The following TP63 variants were observed in gnomAD, a reference collection of about 807,000 sequenced individuals.
The protein encoded by TP63 is tumor protein 63.
Under a neutral mutation model 82.8 loss-of-function variants are expected in TP63, and 17 were observed. That is an observed-to-expected ratio of 0.21 (90% confidence interval 0.14 to 0.31). TP63 has a LOEUF of 0.31. Among genes scored for constraint, TP63 ranks in the 10% least tolerant of loss-of-function variants. The pLI is 1.00. For synonymous variants in TP63, 330 were observed against 321.7 expected (o/e 1.03, Z -0.28); for missense variants, 648 against 895.3 (o/e 0.72, Z 3.52).
At chr3:189,756,880 G>A (rs143018129) in intron 3 of TP63, among the ~76,000 whole-genome samples, 1 of 152,228 alleles carries the variant, frequency 6.6e-6, no homozygotes, top group African/African-American at 2.4e-5. Context: ...GTTGAAGAGG[G>A]CAGATAAACA....
intron 3 of TP63, among the ~76,000 whole-genome samples, chr3:189,755,153 C>G (rs1202466159): frequency 6.6e-6 from 1 of 152,056 alleles, no homozygotes; most frequent in Non-Finnish European, 1.5e-5. Context: ...GTGGTGATAC[C>G]TTTATTGGTG....
intron 4 of TP63, among the ~76,000 whole-genome samples, chr3:189,842,273 C>G (rs1390531752): frequency 6.6e-6 from 1 of 152,066 alleles, no homozygotes. Context: ...CCATAAAGCT[C>G]TCCGATCTGC....
At chr3:189,631,192 A>G (rs959741557), upstream of TP63, 4 of 983,216 alleles carry the variant, frequency 4.1e-6, no homozygotes, top group Admixed American at 2.5e-4. Flanking sequence ...CCAAATTGCC[A>G]ACAACAAGTG....
intron 1 of TP63, among the ~76,000 whole-genome samples, chr3:189,735,229 G>A (rs139094306): frequency 7.9e-4 from 121 of 152,244 alleles, no homozygotes; most frequent in Non-Finnish European, 6.0e-4. Flanking sequence ...GGAGCCCCAC[G>A]TGCCTTTTCT....
At chr3:189,649,511 A>G (rs1560083886) in intron 1 of TP63, among the ~76,000 whole-genome samples, 2 of 146,948 alleles carry the variant, frequency 1.4e-5, no homozygotes, top group Non-Finnish European at 3.0e-5. Flanking sequence ...TCAAAAAATA[A>G]TAATTAATGA....
chr3:189,703,536 G>C (rs1717978153), intron 1 of TP63, among the ~76,000 whole-genome samples: 1 of 152,074 alleles, frequency 6.6e-6, no homozygotes, highest in Non-Finnish European at 1.5e-5. Flanking sequence ...AGAAAAGGCA[G>C]GTGGCTGCCA....
intron 3 of TP63, among the ~76,000 whole-genome samples, chr3:189,800,677 T>C (rs1169935786): frequency 1.3e-5 from 2 of 152,052 alleles, no homozygotes; most frequent in Admixed American, 6.6e-5. Flanking sequence ...GGCGAGTTAC[T>C]TAACCTTGTG....
chr3:189,851,836 G>A (rs1394582464), intron 4 of TP63, among the ~76,000 whole-genome samples: 2 of 152,042 alleles, frequency 1.3e-5, no homozygotes, highest in African/African-American at 2.4e-5. Flanking sequence ...TCCATGGCAG[G>A]TGTTCTCTGG....
intron 1 of TP63, among the ~76,000 whole-genome samples, chr3:189,715,425 A>G (rs976336312): frequency 1.3e-5 from 2 of 152,230 alleles, no homozygotes; most frequent in Non-Finnish European, 2.9e-5. Context: ...AAGATAAGGT[A>G]TAACATCCAG....
chr3:189,822,848 C>T (rs926300104), intron 4 of TP63, among the ~76,000 whole-genome samples: 5 of 152,088 alleles, frequency 3.3e-5, no homozygotes, highest in African/African-American at 7.2e-5. Context: ...ACAATAACCA[C>T]GTAAGAAGGG....
intron 10 of TP63, among the ~76,000 whole-genome samples, chr3:189,883,158 T>C (rs996546820): frequency 6.7e-6 from 1 of 149,856 alleles, no homozygotes; most frequent in East Asian, 2.0e-4. Flanking sequence ...ATATTTCACT[T>C]AAGAACTATT....
chr3:189,808,402 C>A lies in TP63; in HGVS notation c.455C>A (p.Pro152His), dbSNP rs2108637911. 6.2e-7 allele frequency: 1 copy of A among 1,614,204 alleles called. No individual in the cohort carries two copies. The highest frequency in any genetic ancestry group is 8.5e-7 in the Non-Finnish European group (1 of 1,180,048). Residue 152 changes from proline to histidine, a missense_variant, in exon 4 of 14, where the codon CCC (proline) becomes CAC (histidine). Pro to His is a moderately conservative substitution (Grantham distance 77). This residue lies in a region of TP63 where 182 missense variants were observed against 213.6 expected (regional missense o/e 0.85). Transcript: ENST00000264731. ...ACGGCGCCCTCGCCCTACGCACAGC[C>A]CAGCTCCACCTTCGATGCTCTCTCT... ...SVTAPSPYAQ[P>H]SSTFDALSPS...
At chr3:189,785,406 A>G (rs75611662) in intron 3 of TP63, among the ~76,000 whole-genome samples, 61 of 152,188 alleles carry the variant, frequency 4.0e-4, no homozygotes, top group Non-Finnish European at 7.9e-4. Flanking sequence ...AAACTTCACA[A>G]TCTTGTTGAG....
At chr3:189,716,998 A>G (rs180737995) in intron 1 of TP63, among the ~76,000 whole-genome samples, 1 of 152,268 alleles carries the variant, frequency 6.6e-6, no homozygotes, top group East Asian at 1.9e-4. Context: ...GGGTTTCACC[A>G]TGTTGACCAG....
the TP63 span, among the ~76,000 whole-genome samples, chr3:189,600,548 A>G: frequency 6.6e-6 from 1 of 152,204 alleles, no homozygotes; most frequent in African/African-American, 2.4e-5. Context: ...ACTAGTAAGT[A>G]TCAGAGGTGA....
chr3:189,675,356 A>T (rs114040114), intron 1 of TP63, among the ~76,000 whole-genome samples: 2,163 of 152,228 alleles, frequency 0.014, 63 homozygotes, highest in African/African-American at 0.049. Context: ...TTGAATTTTA[A>T]TATTTAATCA....
chr3:189,743,935 A>G (rs1721183570), intron 3 of TP63, among the ~76,000 whole-genome samples: 1 of 152,180 alleles, frequency 6.6e-6, no homozygotes, highest in Non-Finnish European at 1.5e-5. Flanking sequence ...GACTAACATA[A>G]GGAGCTGAAG....
At chr3:189,840,821 C>T (rs1713982399) in intron 4 of TP63, among the ~76,000 whole-genome samples, 1 of 141,158 alleles carries the variant, frequency 7.1e-6, no homozygotes, top group African/African-American at 2.7e-5. Context: ...CATGCCACTG[C>T]ACTCCAGCCT....
the TP63 span, among the ~76,000 whole-genome samples, chr3:189,616,943 G>A: frequency 6.6e-6 from 1 of 152,292 alleles, no homozygotes; most frequent in Admixed American, 6.5e-5. Context: ...CTGTCACTCA[G>A]ATTATGGACC....
Sources: gnomAD v4.1 joint callset for allele counts (sites outside exome capture counted in the v4.1 genomes callset) on GRCh38, gnomAD v4.1.1 for gene constraint, gnomAD v4.1.1 regional missense constraint, MANE v1.5 for transcripts, NCBI Gene and HGNC (gene_info 2026-07-23, HGNC 2026-07-21) for gene names.